RALB: variants seen among roughly 807,000 people sequenced by gnomAD.
RALB encodes ras-related protein Ral-B.
RALB carries 16 observed loss-of-function variants against 21.3 expected under a neutral mutation model. The observed-to-expected ratio is 0.75, with a 90% CI of 0.51 to 1.14. RALB has a LOEUF of 1.14. RALB is among the 50% of genes most tolerant of loss of function. The pLI is 0.00. For missense variants in RALB, 161 were observed against 256.2 expected, an observed-to-expected ratio of 0.63 and a Z score of 2.54; for synonymous variants, 93 against 96.1, an observed-to-expected ratio of 0.97 and a Z score of 0.19.
Position 120,294,079 on chromosome 2 carries a change from C to T in RALB, c.*819C>T. 1 of 398,534 alleles carries T rather than the reference C, an allele frequency of 2.5e-6. No homozygotes were observed. The highest frequency in any genetic ancestry group is 4.4e-6 in the Non-Finnish European group (1 of 226,050). The allele number at this position is 398,534 out of a possible 1,614,324, so 24.7% of individuals were successfully genotyped here. Reference sequence around the variant, plus strand: ...TTTGGCTAAGTCCTCTCCTAACTGCCTGTCCTCTGGTTAGGCCCCTCCCTC... The same window carrying T: ...TTTGGCTAAGTCCTCTCCTAACTGCTTGTCCTCTGGTTAGGCCCCTCCCTC... On this transcript the variant is annotated 3_prime_UTR_variant, in exon 5 of 5. Coordinates refer to ENST00000272519, the MANE Select transcript of RALB (RefSeq NM_002881.3).
At chr2:120,278,446 A>G (rs1689901983) in intron 1 of RALB, among the ~76,000 whole-genome samples, 172 bp from the exon 2 acceptor site, 1 of 152,172 alleles carries the variant, frequency 6.6e-6, no homozygotes, top group African/African-American at 2.4e-5. Context: ...TGCTGGGGTA[A>G]GTGACTTCCA....
intron 2 of RALB, among the ~76,000 whole-genome samples, chr2:120,281,732 T>G (rs3931843): frequency 0.69 from 105,652 of 152,082 alleles, 37,305 homozygotes; most frequent in Middle Eastern, 0.8. Flanking sequence ...ATCTGCTTTG[T>G]AGGTCTTTTG....
intron 1 of RALB, among the ~76,000 whole-genome samples, chr2:120,259,651 C>T (rs1266755332): frequency 6.6e-6 from 1 of 152,272 alleles, no homozygotes; most frequent in East Asian, 1.9e-4. Context: ...AAAGACTCTC[C>T]ACGTCCCCAC....
chr2:120,259,994 C>G (rs1413724099), intron 1 of RALB, among the ~76,000 whole-genome samples: 2 of 152,240 alleles, frequency 1.3e-5, no homozygotes, highest in Non-Finnish European at 1.5e-5. Context: ...ACTGGCCTGG[C>G]TGCTAAGTCC....
chr2:120,268,317 A>C (rs528480963), intron 1 of RALB, among the ~76,000 whole-genome samples: 1 of 109,042 alleles, frequency 9.2e-6, no homozygotes, highest in African/African-American at 3.0e-5. Context: ...TCCTTCCTGT[A>C]GCATAGTTTT....
chr2:120,259,445 G>A (rs1220569126), intron 1 of RALB, among the ~76,000 whole-genome samples: 1 of 151,896 alleles, frequency 6.6e-6, no homozygotes, highest in African/African-American at 2.4e-5. Flanking sequence ...GATACAGAGT[G>A]TCAATTGGTG....
intron 1 of RALB, among the ~76,000 whole-genome samples, chr2:120,259,057 G>T (rs1050015265): frequency 2.0e-5 from 3 of 152,106 alleles, no homozygotes; most frequent in Non-Finnish European, 4.4e-5. Context: ...TCCTCCCGGT[G>T]GGCTCGTGGT....
upstream of RALB, chr2:120,252,645 C>T (rs113377425): frequency 3.4e-5 from 11 of 320,890 alleles, no homozygotes; most frequent in African/African-American, 2.5e-4. Flanking sequence ...GGGGCAGGCG[C>T]GCTGGGCCCG....
chr2:120,244,717 G>A (rs1053085228), intron 1 of RALB, among the ~76,000 whole-genome samples: 3 of 152,186 alleles, frequency 2.0e-5, no homozygotes, highest in African/African-American at 7.2e-5. Context: ...CAGCCACTTT[G>A]ATGTATAACA....
chr2:120,251,612 T>G (rs1689058109), upstream of RALB, among the ~76,000 whole-genome samples: 1 of 152,192 alleles, frequency 6.6e-6, no homozygotes, highest in African/African-American at 2.4e-5. Flanking sequence ...TAAGAAAAGG[T>G]TTGGGTCTGA....
upstream of RALB, among the ~76,000 whole-genome samples, chr2:120,247,830 G>A (rs1490050865): frequency 6.6e-6 from 1 of 152,214 alleles, no homozygotes; most frequent in African/African-American, 2.4e-5. Context: ...TTTTGGATGA[G>A]GGGTAGATCC....
rs567111368 is a variant in RALB, at chr2:120,257,422, A to G, written c.-48+4442A>G. Among the ~76,000 whole-genome samples, 32 of 152,294 alleles carry G rather than the reference A, an allele frequency of 2.1e-4. No individual in the cohort carries two copies. The South Asian group carries it at 5.6e-3, about 27-fold the overall frequency. ...GATGAAATCTTCCTGAAGTGCCTAT[A>G]GGTGGAGAGAAGAGTTTCTGGATCC... On this transcript the variant is annotated intron_variant, in intron 1 of 4. Transcript: ENST00000272519.
In RALB at chr2:120,293,467, G is replaced by A. The variant is rs563904765; in HGVS notation, c.*207G>A. 1 of 372,482 alleles carries A rather than the reference G, an allele frequency of 2.7e-6. No individual in the cohort carries two copies. Among genetic ancestry groups the A allele is most frequent in the African/African-American group, 2.1e-5 (1 of 47,268 alleles). The allele number at this position is 372,482 out of a possible 1,614,324, so 23.1% of individuals were successfully genotyped here. A position where few individuals can be genotyped will look rare whatever the true frequency, so the allele number is the denominator to read the frequency against. ...AAGTGGAAGGGCTGCTTTGTCAGGAGGTTGTGGAATTTCTTTCTTCTCCCC... is the reference window on the plus strand; with the variant it reads ...AAGTGGAAGGGCTGCTTTGTCAGGAAGTTGTGGAATTTCTTTCTTCTCCCC... On this transcript the variant is annotated 3_prime_UTR_variant, in exon 5 of 5. Coordinates refer to ENST00000272519, the MANE Select transcript of RALB (RefSeq NM_002881.3).
At chr2:120,274,177 C>T (rs891607958) in intron 1 of RALB, among the ~76,000 whole-genome samples, 29 of 152,124 alleles carry the variant, frequency 1.9e-4, no homozygotes, top group African/African-American at 6.8e-4. Flanking sequence ...CATTCACAAA[C>T]CTCAGCTCTG....
At chr2:120,258,009 G>A (rs748215431) in intron 1 of RALB, among the ~76,000 whole-genome samples, 13 of 152,164 alleles carry the variant, frequency 8.5e-5, no homozygotes, top group Non-Finnish European at 1.6e-4. Context: ...CATGTGCATT[G>A]TTGTCTCCTT....
intron 1 of RALB, 96 bp downstream of exon 1, chr2:120,253,076 C>T (rs1406719770): frequency 1.6e-5 from 13 of 830,262 alleles, no homozygotes; most frequent in Non-Finnish European, 1.9e-5. Flanking sequence ...CCCTCCGTGC[C>T]GGGCTGTGGC....
intron 1 of RALB, among the ~76,000 whole-genome samples, chr2:120,274,242 T>G (rs1180670620): frequency 2.6e-5 from 4 of 152,068 alleles, no homozygotes; most frequent in African/African-American, 9.7e-5. Context: ...CTTCCTAAAC[T>G]CAAGCCTTTT....
chr2:120,254,929 G>A (rs1288345555), intron 1 of RALB, among the ~76,000 whole-genome samples: 2 of 152,166 alleles, frequency 1.3e-5, no homozygotes, highest in Non-Finnish European at 2.9e-5. Context: ...TACCACCTTG[G>A]CCTCTCAAAG....
chr2:120,253,259 T>A (rs529494506), intron 1 of RALB: 1 of 487,606 alleles, frequency 2.1e-6, no homozygotes, highest in Non-Finnish European at 2.7e-6. Context: ...GTTCCTTCCC[T>A]ATCCCGCAGA....
Sources: allele counts gnomAD v4.1 joint callset (sites outside exome capture counted in the v4.1 genomes callset), GRCh38; gene constraint gnomAD v4.1.1; transcripts MANE v1.5; gene names NCBI Gene and HGNC (gene_info 2026-07-23, HGNC 2026-07-21).